KCNH5: variants seen among roughly 807,000 people sequenced by gnomAD.
KCNH5 encodes the protein potassium voltage-gated channel subfamily H member 5.
KCNH5 carries 46 observed loss-of-function variants against 96.1 expected under a neutral mutation model. The observed-to-expected ratio is 0.48, with a 90% CI of 0.38 to 0.61. The LOEUF is 0.61. KCNH5 is among the 20% of genes least tolerant of loss of function. The pLI, the probability that KCNH5 is intolerant of heterozygous loss-of-function variation, is 0.00. For missense variants in KCNH5, 907 were observed against 1,225.8 expected, an observed-to-expected ratio of 0.74 and a Z score of 3.88; for synonymous variants, 439 against 449.8, an observed-to-expected ratio of 0.98 and a Z score of 0.30.
intron 10 of KCNH5, among the ~76,000 whole-genome samples, chr14:62,720,983 A>C (rs984741196): frequency 6.6e-6 from 1 of 152,240 alleles, no homozygotes; most frequent in African/African-American, 2.4e-5. Flanking sequence ...GCGAAGAGTG[A>C]TGACTGCGGA....
intron 7 of KCNH5, among the ~76,000 whole-genome samples, chr14:62,862,462 T>C (rs1888056084): frequency 6.6e-6 from 1 of 152,212 alleles, no homozygotes; most frequent in Non-Finnish European, 1.5e-5. Flanking sequence ...TTTAAAAACA[T>C]TACCACAAAT....
chr14:62,861,724 CT>C (rs1433866843), intron 7 of KCNH5, among the ~76,000 whole-genome samples: 6 of 151,254 alleles, frequency 4.0e-5, no homozygotes, highest in African/African-American at 4.9e-5. Context: ...TGAGATGTAT[CT>C]TTCAGGATAT....
intron 7 of KCNH5, among the ~76,000 whole-genome samples, chr14:62,908,782 A>ACTTTTTTTTTT (rs71451284): frequency 1.3e-4 from 3 of 23,712 alleles, no homozygotes; most frequent in African/African-American, 5.4e-4. Context: ...TTTGCTTTGT[A>ACTTTTTTTTTT]TTTTTTTTTT....
At chr14:62,732,172 T>TGC (rs1885064253) in intron 10 of KCNH5, among the ~76,000 whole-genome samples, 1 of 152,212 alleles carries the variant, frequency 6.6e-6, no homozygotes, top group Non-Finnish European at 1.5e-5. Context: ...ATCACGTTTA[T>TGC]GCCTTCTGTA....
chr14:62,973,520 G>C (rs569281057), intron 6 of KCNH5, among the ~76,000 whole-genome samples: 1 of 152,248 alleles, frequency 6.6e-6, no homozygotes, highest in African/African-American at 2.4e-5. Context: ...AGACACATTT[G>C]TCTTGTTTGC....
At position 63,045,192 on chromosome 14, in the gene KCNH5, G is replaced by C; in HGVS notation, c.-6C>G. ...CCTCTCTTGCCCCCCGGCATCCTGG[G>C]TCTGGAGAGCAGCGGCCAGGATCCG... On this transcript the variant is annotated 5_prime_UTR_variant, in exon 1 of 11. Transcript: ENST00000322893. 1 of 1,612,748 alleles carries C rather than the reference G, an allele frequency of 6.2e-7. No individual in the cohort carries two copies. Among genetic ancestry groups the C allele is most frequent in the Non-Finnish European group, 8.5e-7 (1 of 1,179,652 alleles).
At chr14:62,888,973 G>A (rs1464067493) in intron 7 of KCNH5, among the ~76,000 whole-genome samples, 1 of 152,150 alleles carries the variant, frequency 6.6e-6, no homozygotes, top group Non-Finnish European at 1.5e-5. Context: ...AAAGTCACTT[G>A]GAGTCAAATT....
At chr14:62,927,132 T>C (rs1889491479) in intron 7 of KCNH5, among the ~76,000 whole-genome samples, 1 of 152,078 alleles carries the variant, frequency 6.6e-6, no homozygotes, top group African/African-American at 2.4e-5. Flanking sequence ...AAGCCAATAG[T>C]CACATGAACA....
chr14:62,824,869 G>C (rs1887189333), intron 8 of KCNH5, among the ~76,000 whole-genome samples: 1 of 151,796 alleles, frequency 6.6e-6, no homozygotes, highest in Non-Finnish European at 1.5e-5. Context: ...AAACACCTCT[G>C]GTTTTCTGTG....
intron 6 of KCNH5, among the ~76,000 whole-genome samples, chr14:62,975,037 A>C (rs2139561538): frequency 6.6e-6 from 1 of 152,296 alleles, no homozygotes. Context: ...ACCTTGTGAT[A>C]TAAGTAATTT....
chr14:62,948,537 A>G (rs960610263), intron 7 of KCNH5, among the ~76,000 whole-genome samples: 3 of 152,114 alleles, frequency 2.0e-5, no homozygotes, highest in Non-Finnish European at 4.4e-5. Flanking sequence ...AACCAAAAAG[A>G]GTCCAGGACC....
intron 10 of KCNH5, among the ~76,000 whole-genome samples, chr14:62,719,218 T>G (rs188477404): frequency 6.6e-6 from 1 of 152,340 alleles, no homozygotes; most frequent in Admixed American, 6.5e-5. Context: ...GAACTATACT[T>G]CAATAAAAAA....
chr14:62,713,392 T>C (rs886298016), intron 10 of KCNH5, among the ~76,000 whole-genome samples: 13 of 152,214 alleles, frequency 8.5e-5, no homozygotes, highest in Admixed American at 7.2e-4. Context: ...AGCAAATGCA[T>C]ACTGGGTAGA....
chr14:62,851,661 A>C (rs148883671), intron 7 of KCNH5, among the ~76,000 whole-genome samples: 53 of 152,212 alleles, frequency 3.5e-4, no homozygotes, highest in African/African-American at 1.3e-3. Flanking sequence ...GAAATAAGAA[A>C]ATTTTAAATT....
At chr14:62,871,819 G>A (rs10146879) in intron 7 of KCNH5, among the ~76,000 whole-genome samples, 16,447 of 152,122 alleles carry the variant, frequency 0.11, 1,110 homozygotes, top group East Asian at 0.27. Context: ...TTGGTTTAGG[G>A]TGGCTCTGCC....
At chr14:62,952,784 TC>T (rs907624968) in intron 6 of KCNH5, among the ~76,000 whole-genome samples, 3 of 151,954 alleles carry the variant, frequency 2.0e-5, no homozygotes, top group African/African-American at 7.3e-5. Flanking sequence ...TAGAATGAGG[TC>T]CAAATGGTGG....
intron 1 of KCNH5, among the ~76,000 whole-genome samples, chr14:63,025,229 G>A (rs912430915): frequency 2.0e-5 from 3 of 151,900 alleles, no homozygotes; most frequent in Non-Finnish European, 4.4e-5. Context: ...TAGAAGTAAT[G>A]TACCTCAACA....
chr14:62,808,136 G>C (rs1245847911), intron 8 of KCNH5, among the ~76,000 whole-genome samples: 5 of 152,098 alleles, frequency 3.3e-5, no homozygotes, highest in Non-Finnish European at 4.4e-5. Flanking sequence ...ATGTAATTGA[G>C]ACTACTGAAG....
At chr14:62,803,244 A>G (rs1336955275) in intron 8 of KCNH5, among the ~76,000 whole-genome samples, 2 of 152,336 alleles carry the variant, frequency 1.3e-5, no homozygotes, top group Non-Finnish European at 2.9e-5. Context: ...ATAGGGCATG[A>G]ACATTCATTT....
Sources: gnomAD v4.1 joint callset for allele counts (sites outside exome capture counted in the v4.1 genomes callset) on GRCh38, gnomAD v4.1.1 for gene constraint, MANE v1.5 for transcripts, NCBI Gene and HGNC (gene_info 2026-07-23, HGNC 2026-07-21) for gene names.